NFYC: variants seen among roughly 807,000 people sequenced by gnomAD.
NFYC encodes CAAT box DNA-binding protein subunit C.
In NFYC, 25 loss-of-function variants were observed where a neutral mutation model predicts 53.1. The ratio of observed to expected loss-of-function variants is 0.47; its 90% CI spans 0.34 to 0.66. NFYC has a LOEUF of 0.66. NFYC is among the 30% of genes least tolerant of loss of function. NFYC has a pLI of 0.01. For missense variants in NFYC, 260 were observed against 422.7 expected (o/e 0.62, Z 3.38); for synonymous variants, 145 against 152.6 (o/e 0.95, Z 0.37).
At position 40,754,022 on chromosome 1, in the gene NFYC, A is replaced by G. The variant is rs75335527; in HGVS notation, c.387+776A>G. Among the ~76,000 whole-genome samples, 134 of 152,274 alleles carry G rather than the reference A, an allele frequency of 8.8e-4. No individual in the cohort carries two copies. The East Asian group carries it at 0.022, about 25-fold the overall frequency. On this transcript the variant is annotated intron_variant, in intron 5 of 9. Transcript: ENST00000447388. The stretch of plus-strand genomic sequence containing the variant: ...TCCTTTAGAGCTCATTGTTTTAAGC[A>G]TGCAGATTGCATGATTCACTAGGTG...
intron 9 of NFYC, 81 bp downstream of exon 9, chr1:40,769,496 A>G: frequency 2.4e-6 from 3 of 1,226,530 alleles, no homozygotes; most frequent in Non-Finnish European, 3.6e-6. Context: ...TTGGATGGTT[A>G]GGGCAACTGT....
chr1:40,711,777 C>G (rs1160626546), intron 1 of NFYC, among the ~76,000 whole-genome samples: 1 of 152,110 alleles, frequency 6.6e-6, no homozygotes, highest in Non-Finnish European at 1.5e-5. Context: ...CTAATTTAGG[C>G]CATGGGTGGC....
intron 1 of NFYC, among the ~76,000 whole-genome samples, chr1:40,707,780 A>G (rs1015831220): frequency 1.3e-5 from 2 of 150,154 alleles, no homozygotes; most frequent in Non-Finnish European, 3.0e-5. Context: ...CGGAGGCTGC[A>G]GTAAGCCGAG....
At chr1:40,731,850 A>G (rs1480840798) in intron 1 of NFYC, among the ~76,000 whole-genome samples, 2 of 152,168 alleles carry the variant, frequency 1.3e-5, no homozygotes, top group Non-Finnish European at 2.9e-5. Flanking sequence ...AGTGTTTAAT[A>G]TTAGAAGTGT....
At chr1:40,736,532 TC>T (rs1200673735) in intron 1 of NFYC, among the ~76,000 whole-genome samples, 2 of 152,220 alleles carry the variant, frequency 1.3e-5, no homozygotes, top group Non-Finnish European at 2.9e-5. Context: ...CCTGCCAGCA[TC>T]CCGTCACTGG....
At chr1:40,704,883 G>T (rs1432079341) in intron 1 of NFYC, among the ~76,000 whole-genome samples, 1 of 152,122 alleles carries the variant, frequency 6.6e-6, no homozygotes, top group African/African-American at 2.4e-5. Flanking sequence ...CTTTCTGCAG[G>T]CCTGCAGAAT....
intron 1 of NFYC, among the ~76,000 whole-genome samples, chr1:40,729,629 CTTGGGTAAGTGT>C (rs1644672905): frequency 6.6e-6 from 1 of 150,762 alleles, no homozygotes; most frequent in Admixed American, 6.6e-5. Context: ...GCAGTCACAG[CTTGGGTAAGTGT>C]TTGGTGCAAG....
chr1:40,742,123 C>A (rs1196541068), intron 2 of NFYC, among the ~76,000 whole-genome samples: 1 of 151,436 alleles, frequency 6.6e-6, no homozygotes. Flanking sequence ...GTTGCCTAGG[C>A]TGGTCTCAAA....
At chr1:40,739,233 A>G (rs1023027434) in intron 2 of NFYC, among the ~76,000 whole-genome samples, 1 of 152,212 alleles carries the variant, frequency 6.6e-6, no homozygotes, top group Non-Finnish European at 1.5e-5. Context: ...GACTTACAGA[A>G]AAACAGAGAT....
intron 5 of NFYC, among the ~76,000 whole-genome samples, chr1:40,756,614 T>G (rs1403335037): frequency 6.6e-6 from 1 of 152,216 alleles, no homozygotes. Flanking sequence ...CAGGGGACAC[T>G]AGCTGCTTCC....
At chr1:40,757,075 C>G (rs1290123386) in intron 5 of NFYC, among the ~76,000 whole-genome samples, 1 of 152,196 alleles carries the variant, frequency 6.6e-6, no homozygotes, top group Non-Finnish European at 1.5e-5. Flanking sequence ...GTCTTTTCCT[C>G]TTTTCTGGAA....
At chr1:40,717,034 A>G (rs980838086) in intron 1 of NFYC, among the ~76,000 whole-genome samples, 1 of 152,170 alleles carries the variant, frequency 6.6e-6, no homozygotes, top group African/African-American at 2.4e-5. Context: ...CTGGTTGTAG[A>G]TGTCCAGCCA....
chr1:40,743,039 C>A (rs933918081), intron 2 of NFYC, among the ~76,000 whole-genome samples: 1 of 152,106 alleles, frequency 6.6e-6, no homozygotes, highest in East Asian at 1.9e-4. Flanking sequence ...TTTAAACTAG[C>A]CAATCATAAG....
At chr1:40,740,699 A>G (rs889479685) in intron 2 of NFYC, among the ~76,000 whole-genome samples, 1 of 152,148 alleles carries the variant, frequency 6.6e-6, no homozygotes, top group Admixed American at 6.5e-5. Context: ...TGTTTTGTTC[A>G]TATTTTAGGG....
At chr1:40,736,346 C>A (rs1053536479) in intron 1 of NFYC, among the ~76,000 whole-genome samples, 2 of 152,146 alleles carry the variant, frequency 1.3e-5, no homozygotes, top group African/African-American at 4.8e-5. Flanking sequence ...AATTGGACAT[C>A]CCCACAGGCT....
chr1:40,710,331 C>T (rs10736404), intron 1 of NFYC, among the ~76,000 whole-genome samples: 119,438 of 152,162 alleles, frequency 0.78, 47,510 homozygotes, highest in African/African-American at 0.9. Context: ...AAAGTGCTTT[C>T]CATTTTTCCG....
At chr1:40,761,070 A>C (rs140970101) in intron 6 of NFYC, among the ~76,000 whole-genome samples, 2 of 152,198 alleles carry the variant, frequency 1.3e-5, no homozygotes, top group Admixed American at 6.5e-5. Context: ...CACACCATAC[A>C]TGATTTGACA....
intron 1 of NFYC, among the ~76,000 whole-genome samples, chr1:40,721,858 C>T (rs1419192341): frequency 1.3e-5 from 2 of 152,078 alleles, no homozygotes; most frequent in Admixed American, 1.3e-4. Context: ...CCACCGTTCC[C>T]AGCCCAAGGA....
At chr1:40,759,300 C>T (rs907873224) in intron 6 of NFYC, among the ~76,000 whole-genome samples, 1 of 151,494 alleles carries the variant, frequency 6.6e-6, no homozygotes, top group Non-Finnish European at 1.5e-5. Flanking sequence ...TTTGGGAGGC[C>T]GAGGCAGGAG....
Sources: allele counts gnomAD v4.1 joint callset (sites outside exome capture counted in the v4.1 genomes callset), GRCh38; gene constraint gnomAD v4.1.1; transcripts MANE v1.5; gene names NCBI Gene and HGNC (gene_info 2026-07-23, HGNC 2026-07-21).